Variants in HAO2 observed in about 807,000 individuals in gnomAD.
HAO2 encodes 2-Hydroxyacid oxidase 2.
A neutral mutation model predicts 37.4 loss-of-function variants in HAO2; 42 were observed. The observed-to-expected ratio is 1.12, with a 90% CI of 0.88 to 1.45. The LOEUF is 1.45. Among genes scored for constraint, HAO2 ranks in the 40% most tolerant of loss-of-function variants. The pLI is 0.00. For missense variants in HAO2, 476 were observed against 430.2 expected (o/e 1.11, Z -0.94); for synonymous variants, 180 against 162.8 (o/e 1.11, Z -0.81).
chr1:119,381,260 T>G, intron 2 of HAO2, 44 bp downstream of exon 2: 2 of 1,439,104 alleles, frequency 1.4e-6, no homozygotes, highest in Non-Finnish European at 2.0e-6. Flanking sequence ...TAAGGTGCAC[T>G]GGTGGAGAGC....
chr1:119,384,319 A>C (rs1650205133), intron 3 of HAO2, among the ~76,000 whole-genome samples: 1 of 152,228 alleles, frequency 6.6e-6, no homozygotes, highest in Non-Finnish European at 1.5e-5. Context: ...CACACAGCAA[A>C]GAAGGGGTAG....
At chr1:119,373,554 A>G (rs1649203795) in intron 1 of HAO2, among the ~76,000 whole-genome samples, 1 of 152,124 alleles carries the variant, frequency 6.6e-6, no homozygotes, top group Non-Finnish European at 1.5e-5. Flanking sequence ...TGTGGGAGGC[A>G]GGACAATGGT....
chr1:119,377,023 C>T (rs1458826224), intron 1 of HAO2, among the ~76,000 whole-genome samples: 1 of 152,244 alleles, frequency 6.6e-6, no homozygotes, highest in East Asian at 1.9e-4. Context: ...TTGAATTTCT[C>T]CTCAGAAAAT....
In HAO2 at chr1:119,384,664, T is replaced by G; in HGVS notation, c.284-112T>G. 7 of 806,720 alleles carry G rather than the reference T, an allele frequency of 8.7e-6. 1 individual carries two copies. In the South Asian group the frequency reaches 1.2e-4, roughly 14 times the overall value. The allele number at this position is 806,720 out of a possible 1,614,324, so 50.0% of individuals were successfully genotyped here. A position where few individuals can be genotyped will look rare whatever the true frequency, so the allele number is the denominator to read the frequency against. On this transcript the variant is annotated intron_variant, in intron 3 of 7. Coordinates refer to ENST00000325945, the MANE Select transcript of HAO2 (RefSeq NM_016527.4). ...ACAAGGAAGCAGAATGAAATTAAGC[T>G]TTATCTGCATTCATGGGGCAAGATG...
At chr1:119,383,268 T>G (rs2101224439) in intron 3 of HAO2, among the ~76,000 whole-genome samples, 1 of 152,338 alleles carries the variant, frequency 6.6e-6, no homozygotes, top group Non-Finnish European at 1.5e-5. Flanking sequence ...TAAAGAATAG[T>G]TAGAGTGCAA....
At chr1:119,381,009 C>A (rs1649881292) in intron 1 of HAO2, 69 bp from the exon 2 acceptor site, 2 of 1,341,872 alleles carry the variant, frequency 1.5e-6, no homozygotes, top group East Asian at 4.6e-5. Context: ...GCAGCTTCCC[C>A]TTCATTTCCT....
intron 3 of HAO2, among the ~76,000 whole-genome samples, chr1:119,383,713 T>G (rs1011269393): frequency 1.3e-5 from 2 of 150,654 alleles, no homozygotes; most frequent in Non-Finnish European, 3.0e-5. Flanking sequence ...GGGCTGAAAA[T>G]GCTCTTGGGA....
chr1:119,385,141 A>C (rs892450301), intron 4 of HAO2, 88 bp downstream of exon 4: 1 of 1,520,144 alleles, frequency 6.6e-7, no homozygotes, highest in Admixed American at 1.9e-5. Context: ...CTTTCTTTCC[A>C]CAGGCATTTA....
intron 7 of HAO2, among the ~76,000 whole-genome samples, chr1:119,393,464 C>T (rs1001830294): frequency 3.3e-5 from 5 of 152,090 alleles, no homozygotes; most frequent in African/African-American, 7.2e-5. Context: ...TTCCTATATC[C>T]CTGAGCCTTA....
At chr1:119,378,060 C>T (rs1014042773) in intron 1 of HAO2, among the ~76,000 whole-genome samples, 2 of 151,850 alleles carry the variant, frequency 1.3e-5, no homozygotes, top group African/African-American at 4.8e-5. Context: ...GAAAAAAATG[C>T]ATAATTGTAT....
Position 119,381,131 on chromosome 1 carries a change from C to T in HAO2, c.46C>T (p.Gln16Ter). 6.2e-7 allele frequency: 1 copy of T among 1,609,910 alleles called. No individual in the cohort carries two copies. Among genetic ancestry groups the T allele is most frequent in the Non-Finnish European group, 8.5e-7 (1 of 1,176,114 alleles). ...AGACTTTCAGGCCCATGCGCGAGAG[C>T]AGCTGTCTAAGTCAACTCGGGATTT... ...LTDFQAHARE[Q>*]LSKSTRDFIE... Residue 16 changes from glutamine (Q) to a stop codon, truncating the protein, a stop_gained, in exon 2 of 8, where the codon CAG (glutamine) becomes TAG (stop). Coordinates refer to ENST00000325945, the MANE Select transcript of HAO2 (RefSeq NM_016527.4). LOFTEE classifies it high-confidence loss of function.
At chr1:119,377,845 T>A (rs1464516482) in intron 1 of HAO2, among the ~76,000 whole-genome samples, 1 of 152,142 alleles carries the variant, frequency 6.6e-6, no homozygotes, top group Non-Finnish European at 1.5e-5. Flanking sequence ...GGTGGGTGGA[T>A]CACCTGAGGT....
chr1:119,380,970 C>G, intron 1 of HAO2, 108 bp from the exon 2 acceptor site: 1 of 929,668 alleles, frequency 1.1e-6, no homozygotes, highest in South Asian at 1.5e-5. Flanking sequence ...TACAGGGAGA[C>G]CAATGTTGAA....
rs901842164 is a variant in HAO2 at position 119,380,231 on chromosome 1, G to T, written c.-8-847G>T. Among the ~76,000 whole-genome samples the T allele has an allele frequency of 2.0e-5, 3 of 152,092 alleles. No individual in the cohort carries two copies. The South Asian group carries it at 6.2e-4, about 32-fold the overall frequency. The stretch of plus-strand genomic sequence containing the variant: ...TCTACTGCCCTGTTTCTACTGGAGA[G>T]ATTTATTCATTACCCCCAAGCCCTG... On this transcript the variant is annotated intron_variant, in intron 1 of 7. Transcript: ENST00000325945.
chr1:119,393,943 G>A lies in HAO2; in HGVS notation c.*103G>A, dbSNP rs587675167. ...TCCTTCCTGGACCCCATTCTGTCCGGAGGCTCATGGCCCATATTTCCCACA... is the reference window on the plus strand; with the variant it reads ...TCCTTCCTGGACCCCATTCTGTCCGAAGGCTCATGGCCCATATTTCCCACA... On this transcript the variant is annotated 3_prime_UTR_variant, in exon 8 of 8. Coordinates refer to ENST00000325945, the MANE Select transcript of HAO2 (RefSeq NM_016527.4). The A allele has an allele frequency of 1.3e-6, 2 of 1,583,264 alleles. No homozygotes were observed. The highest frequency in any genetic ancestry group is 2.2e-5 in the South Asian group (2 of 89,396).
In HAO2 at chr1:119,380,741, G is replaced by T. The variant is rs192294278; in HGVS notation, c.-8-337G>T. ...ATGTGAAGGCAAGATACAAAAATAA[G>T]AATTTTTTGTAATAAGCTTTTAAGA... On this transcript the variant is annotated intron_variant, in intron 1 of 7. Transcript: ENST00000325945. The T allele has an allele frequency of 2.7e-4, 411 of 1,542,328 alleles. 1 individual carries two copies. Among genetic ancestry groups the T allele is most frequent in the Admixed American group, 6.7e-4 (40 of 59,848 alleles).
intron 1 of HAO2, among the ~76,000 whole-genome samples, chr1:119,374,277 T>C (rs1649270025): frequency 6.6e-6 from 1 of 152,208 alleles, no homozygotes; most frequent in Admixed American, 6.5e-5. Flanking sequence ...CTAGTCTCCA[T>C]CAGCTCTGGG....
chr1:119,388,872 T>C lies in HAO2; in HGVS notation c.771+2041T>C, dbSNP rs921284502. On this transcript the variant is annotated intron_variant, in intron 5 of 7. Coordinates refer to ENST00000325945, the MANE Select transcript of HAO2 (RefSeq NM_016527.4). The stretch of plus-strand genomic sequence containing the variant: ...GATTTGTGAGATTTTGGTGCAACCA[T>C]CACCTGAGCAGTATACACTGCACCC... 2.0e-5 allele frequency among the ~76,000 whole-genome samples: 3 copies of C among 151,616 alleles called. No homozygotes were observed. The East Asian group carries it at 5.9e-4, about 30-fold the overall frequency.
rs757693750 is a variant in HAO2, at chr1:119,386,748, G to T, written c.688G>T (p.Ala230Ser). The part of the protein sequence containing the change: ...ILKGILTKED[A>S]ELAVKHNVQG... ...GAAAGGGATTTTGACAAAAGAGGATGCAGAGTTAGCTGTGAAGCACAATGT... is the reference window on the plus strand; with the variant it reads ...GAAAGGGATTTTGACAAAAGAGGATTCAGAGTTAGCTGTGAAGCACAATGT... Residue 230 changes from alanine to serine, a missense_variant, in exon 5 of 8, where the codon GCA becomes TCA. Physicochemically the swap from Ala to Ser is moderately conservative, Grantham distance 99. Transcript: ENST00000325945. The T allele has an allele frequency of 6.2e-7, 1 of 1,613,646 alleles. No individual in the cohort carries two copies. Among genetic ancestry groups the T allele is most frequent in the Non-Finnish European group, 8.5e-7 (1 of 1,179,552 alleles).
Sources: allele counts gnomAD v4.1 joint callset (sites outside exome capture counted in the v4.1 genomes callset), GRCh38; gene constraint gnomAD v4.1.1; transcripts MANE v1.5; gene names NCBI Gene and HGNC (gene_info 2026-07-23, HGNC 2026-07-21).